Variants in PAPPA observed in about 807,000 individuals in gnomAD.
The protein encoded by PAPPA is pappalysin 1.
A neutral mutation model predicts 164.0 loss-of-function variants in PAPPA; 60 were observed. The observed-to-expected ratio is 0.37, with a 90% CI of 0.30 to 0.45. PAPPA has a LOEUF of 0.45. PAPPA is among the 20% of genes least tolerant of loss of function. The pLI is 1.00. For missense variants in PAPPA, 1,782 were observed against 2,087.3 expected (o/e 0.85, Z 2.85); for synonymous variants, 875 against 814.1 (o/e 1.07, Z -1.27).
chr9:116,188,867 G>T (rs1844009826), intron 2 of PAPPA, among the ~76,000 whole-genome samples: 1 of 152,118 alleles, frequency 6.6e-6, no homozygotes, highest in Non-Finnish European at 1.5e-5. Context: ...GAGAATAATG[G>T]TACCTATTTT....
rs368571253 is a variant in PAPPA at position 116,187,535 on chromosome 9, G to A, written c.797G>A (p.Arg266Gln). Residue 266 changes from arginine (R) to glutamine (Q), a missense_variant, in exon 2 of 22, where the codon CGG (arginine) becomes CAG (glutamine). Physicochemically the swap from Arg to Gln is conservative, Grantham distance 43. Coordinates refer to ENST00000328252, the MANE Select transcript of PAPPA (RefSeq NM_002581.5). The surrounding 1 kb of genome is among the most constrained non-coding windows in gnomAD (Gnocchi z 4.2). The part of the protein sequence containing the change: ...FSLWKVARTQ[R>Q]EILSDMETHG... ...CTGTGGAAGGTGGCCAGGACTCAGC[G>A]GGAGATACTGTCTGACATGGAAACC... The A allele has an allele frequency of 3.3e-5, 54 of 1,614,024 alleles. No homozygotes were observed. The highest frequency in any genetic ancestry group is 5.0e-5 in the Admixed American group (3 of 60,004).
chr9:116,280,450 T>C (rs1455135732), intron 9 of PAPPA, among the ~76,000 whole-genome samples: 1 of 152,072 alleles, frequency 6.6e-6, no homozygotes, highest in Non-Finnish European at 1.5e-5. Context: ...TGAGCAAGGA[T>C]TGCAAGAAGT....
chr9:116,384,525 T>A (rs1211004101), intron 21 of PAPPA, among the ~76,000 whole-genome samples: 2 of 152,158 alleles, frequency 1.3e-5, no homozygotes, highest in Non-Finnish European at 2.9e-5. Context: ...TTGTTTATTA[T>A]ATGGCTGTGA....
At chr9:116,219,697 A>G (rs1844418623) in intron 4 of PAPPA, among the ~76,000 whole-genome samples, 1 of 152,086 alleles carries the variant, frequency 6.6e-6, no homozygotes, top group South Asian at 2.1e-4. Context: ...TCTCAGCCAT[A>G]CTTTTTCAGT....
intron 12 of PAPPA, among the ~76,000 whole-genome samples, chr9:116,333,081 C>G (rs1229077820): frequency 6.6e-6 from 1 of 152,100 alleles, no homozygotes; most frequent in Non-Finnish European, 1.5e-5. Context: ...AGGACAAGGG[C>G]TGGACTTGGC....
intron 8 of PAPPA, among the ~76,000 whole-genome samples, chr9:116,268,835 C>G (rs936902089): frequency 3.6e-5 from 4 of 110,834 alleles, no homozygotes; most frequent in African/African-American, 1.1e-4. Flanking sequence ...GGATGTTTCC[C>G]TAAGTAGGGG....
In PAPPA at chr9:116,401,103, A is replaced by G. The variant is rs996096142; in HGVS notation, c.*4487A>G. 6.6e-6 allele frequency: 1 copy of G among 152,622 alleles called. No homozygotes were observed. Among genetic ancestry groups the G allele is most frequent in the African/African-American group, 2.4e-5 (1 of 41,460 alleles). 9.5% of individuals were successfully genotyped at this position (152,622 alleles called of 1,614,324 possible). On this transcript the variant is annotated 3_prime_UTR_variant, in exon 22 of 22. Transcript: ENST00000328252. ...GGAGTGCTTGTTTGATATTTCAAGG[A>G]ATAAAGCCGGAGCTCCTGAATTGTA...
chr9:116,378,804 G>C (rs891850763), intron 20 of PAPPA, among the ~76,000 whole-genome samples: 12 of 152,154 alleles, frequency 7.9e-5, no homozygotes, highest in African/African-American at 2.4e-4. Context: ...CCAGGCTGGT[G>C]CTTTTCTCCT....
intron 1 of PAPPA, among the ~76,000 whole-genome samples, chr9:116,176,172 C>T (rs1395038403): frequency 6.6e-6 from 1 of 152,164 alleles, no homozygotes; most frequent in Non-Finnish European, 1.5e-5. Flanking sequence ...GACATTTCTA[C>T]CTGTAGGAAA....
At position 116,154,147 on chromosome 9, in the gene PAPPA, A is replaced by AG. The variant is rs748245911; in HGVS notation, c.-19dup. On this transcript the variant is annotated 5_prime_UTR_variant, in exon 1 of 22. Transcript: ENST00000328252. This position sits in a 1 kb window ranked among gnomAD's most constrained non-coding sequence, Gnocchi z 5.2. ...GCTCCGGGTGGCGGTGCAGGGGCGAAGGGGGGGCGGGGGGAACCGTCGGAC... is the reference window on the plus strand; with the variant it reads ...GCTCCGGGTGGCGGTGCAGGGGCGAAGGGGGGGGCGGGGGGAACCGTCGGAC... The AG allele has an allele frequency of 4.0e-4, 135 of 341,378 alleles. No homozygotes were observed. Among genetic ancestry groups the AG allele is most frequent in the South Asian group, 6.4e-4 (20 of 31,248 alleles). The allele number at this position is 341,378 out of a possible 1,614,324, so 21.1% of individuals were successfully genotyped here.
At chr9:116,296,776 A>C (rs985284255) in intron 9 of PAPPA, among the ~76,000 whole-genome samples, 1 of 152,154 alleles carries the variant, frequency 6.6e-6, no homozygotes, top group African/African-American at 2.4e-5. Context: ...GTTCGTGTGG[A>C]ATGTGCATGA....
intron 10 of PAPPA, among the ~76,000 whole-genome samples, chr9:116,321,204 T>A (rs1356324012): frequency 1.3e-5 from 2 of 152,072 alleles, no homozygotes; most frequent in Non-Finnish European, 2.9e-5. Context: ...ATTTTTTGTA[T>A]TTTTAGTAGA....
At chr9:116,225,045 G>A (rs1844489359) in intron 5 of PAPPA, among the ~76,000 whole-genome samples, 1 of 152,208 alleles carries the variant, frequency 6.6e-6, no homozygotes, top group Non-Finnish European at 1.5e-5. Context: ...TATTTATTGG[G>A]AGCCTGGGAT....
intron 6 of PAPPA, among the ~76,000 whole-genome samples, chr9:116,228,477 T>G (rs1255259185): frequency 6.6e-6 from 1 of 152,172 alleles, no homozygotes; most frequent in Non-Finnish European, 1.5e-5. Context: ...CTATCCTCTA[T>G]ATTTTTAGAA....
intron 16 of PAPPA, among the ~76,000 whole-genome samples, chr9:116,353,170 A>AT (rs994400962): frequency 1.0e-4 from 15 of 150,516 alleles, no homozygotes; most frequent in Middle Eastern, 3.4e-3. Context: ...TCTGCACTTC[A>AT]TTTTTTTTTT....
intron 17 of PAPPA, among the ~76,000 whole-genome samples, chr9:116,361,756 G>A (rs1384851315): frequency 2.0e-5 from 3 of 152,114 alleles, no homozygotes; most frequent in Non-Finnish European, 4.4e-5. Flanking sequence ...CCACTAGATC[G>A]CAGAGGCAGG....
rs951321850 is a variant in PAPPA at position 116,347,279 on chromosome 9, C to T, written c.3964+70C>T. On this transcript the variant is annotated intron_variant, in intron 15 of 21. Coordinates refer to ENST00000328252, the MANE Select transcript of PAPPA (RefSeq NM_002581.5). The surrounding 1 kb of genome is among the most constrained non-coding windows in gnomAD (Gnocchi z 4.5). Reference sequence around the variant, plus strand: ...GAAACCTAGAAGCTGCATCCAGGCCCTCTTTCTGGGTCTCAAACACCAAGG... The same window carrying T: ...GAAACCTAGAAGCTGCATCCAGGCCTTCTTTCTGGGTCTCAAACACCAAGG... 1.4e-5 allele frequency: 19 copies of T among 1,394,066 alleles called. No individual in the cohort carries two copies. In the Admixed American group the frequency reaches 3.0e-4, roughly 22 times the overall value. The allele number at this position is 1,394,066 out of a possible 1,614,324, so 86.4% of individuals were successfully genotyped here.
rs1353547434 is a variant in PAPPA at position 116,187,872 on chromosome 9, G to A, written c.1134G>A (p.Gln378=). The A allele has an allele frequency of 1.2e-6, 2 of 1,614,184 alleles. No individual in the cohort carries two copies. Among genetic ancestry groups the A allele is most frequent in the Non-Finnish European group, 1.7e-6 (2 of 1,180,044 alleles). Residue 378 remains glutamine (Q), a synonymous_variant, in exon 2 of 22, where the codon CAG becomes CAA. Coordinates refer to ENST00000328252, the MANE Select transcript of PAPPA (RefSeq NM_002581.5). This position sits in a 1 kb window ranked among gnomAD's most constrained non-coding sequence, Gnocchi z 4.2. ...PTVTREQVDF[Q]HHQLAEAFKQ... is the part of the protein sequence containing the mutation. ...TGACGCGCGAGCAGGTGGACTTCCA[G>A]CACCATCAGCTGGCTGAGGCCTTCA...
chr9:116,253,837 A>G (rs2118785595), intron 7 of PAPPA, among the ~76,000 whole-genome samples: 1 of 152,366 alleles, frequency 6.6e-6, no homozygotes, highest in South Asian at 2.1e-4. Context: ...ATATAAAAAT[A>G]TCTAGCATAC....
Sources: gnomAD v4.1 joint callset for allele counts (sites outside exome capture counted in the v4.1 genomes callset) on GRCh38, gnomAD v4.1.1 for gene constraint, Gnocchi (gnomAD v3.1) non-coding constraint, MANE v1.5 for transcripts, NCBI Gene and HGNC (gene_info 2026-07-23, HGNC 2026-07-21) for gene names.